WDR97: variants seen among roughly 807,000 people sequenced by gnomAD.
The protein encoded by WDR97 is WD repeat-containing protein 97.
WDR97 carries 111 observed loss-of-function variants against 65.4 expected under a neutral mutation model. That is an observed-to-expected ratio of 1.70 (90% CI 1.45 to 1.99). The LOEUF (loss-of-function observed/expected upper bound fraction) is 1.99, where lower values mean the gene tolerates loss of function less well. WDR97 is among the 30% of genes most tolerant of loss of function. WDR97 has a pLI of 0.00. For synonymous variants in WDR97, 802 were observed against 397.7 expected, an observed-to-expected ratio of 2.02 and a Z score of -12.10; for missense variants, 1,674 against 865.0, an observed-to-expected ratio of 1.94 and a Z score of -11.73.
Position 144,114,859 on chromosome 8 carries a change from G to A in WDR97, c.4025G>A (p.Gly1342Asp), listed in dbSNP as rs1351120611. The stretch of plus-strand genomic sequence containing the variant: ...GGCCCAGACCTGGACTCCAAGGCCG[G>A]CCTGCGCACTTGCTGCCACCAGAAA... ...VQGPDLDSKAGLRTCCHQKLE... is the reference protein window; with the variant it reads ...VQGPDLDSKADLRTCCHQKLE... The change falls in exon 21 of 24, where the codon GGC becomes GAC. Residue 1342 changes from glycine (G) to aspartate (D), a missense_variant. Transcript: ENST00000323662. The A allele has an allele frequency of 1.4e-6, 1 of 702,422 alleles. No homozygotes were observed. The highest frequency in any genetic ancestry group is 1.5e-5 in the South Asian group (1 of 67,568). The allele number at this position is 702,422 out of a possible 1,614,324, so 43.5% of individuals were successfully genotyped here. A position where few individuals can be genotyped will look rare whatever the true frequency, so the allele number is the denominator to read the frequency against.
Position 144,107,756 on chromosome 8 carries a change from G to A in WDR97, c.6G>A (p.Glu2=). The A allele has an allele frequency of 1.4e-6, 1 of 702,826 alleles. No individual in the cohort carries two copies. The highest frequency in any genetic ancestry group is 2.6e-6 in the Non-Finnish European group (1 of 384,976). The allele number at this position is 702,826 out of a possible 1,614,324, so 43.5% of individuals were successfully genotyped here. A position where few individuals can be genotyped will look rare whatever the true frequency, so the allele number is the denominator to read the frequency against. Residue 2 remains glutamate (E), a synonymous_variant, in exon 1 of 24, where the codon GAG becomes GAA. Transcript: ENST00000323662. M[E]AEVWEAEGYN... The stretch of plus-strand genomic sequence containing the variant: ...CTGGGACCGCAGTTGCTGAAATGGA[G>A]GCAGAGGTGTGGGAGGCAGAAGGCT...
chr8:144,115,573 T>C lies in WDR97; in HGVS notation c.4310T>C (p.Val1437Ala). ...GGGACCCCTCAGCTCCGTCTCAGAG[T>C]GCTCTCCGAGACGCTGAAGAGCTTC... ...SWGTPQLRLR[V>A]LSETLKSFCL... The change falls in exon 22 of 24, where the codon GTG becomes GCG. Residue 1437 changes from valine to alanine, a missense_variant. Coordinates refer to ENST00000323662, the MANE Select transcript of WDR97 (RefSeq NM_001316309.2). 1.4e-6 allele frequency: 1 copy of C among 694,046 alleles called. No individual in the cohort carries two copies. The highest frequency in any genetic ancestry group is 2.6e-6 in the Non-Finnish European group (1 of 379,828). 43.0% of individuals were successfully genotyped at this position (694,046 alleles called of 1,614,324 possible).
rs1320694483 is a variant in WDR97 at position 144,116,221 on chromosome 8, C to T, written c.4797C>T (p.Pro1599=). ...LDWPMPPRPL[P]PRLLQPALQR... is the part of the protein sequence containing the mutation. ...GGCCTATGCCCCCGCGCCCGCTGCC[C>T]CCGCGGCTCCTGCAGCCGGCCCTGC... The change falls in exon 24 of 24, where the codon CCC becomes CCT. Residue 1599 remains proline (P), a synonymous_variant. Coordinates refer to ENST00000323662, the MANE Select transcript of WDR97 (RefSeq NM_001316309.2). 5.8e-6 allele frequency: 4 copies of T among 684,128 alleles called. No individual in the cohort carries two copies. The highest frequency in any genetic ancestry group is 1.8e-5 in the African/African-American group (1 of 56,296). The allele number at this position is 684,128 out of a possible 1,614,324, so 42.4% of individuals were successfully genotyped here.
intron 2 of WDR97, 40 bp from the exon 3 acceptor site, chr8:144,108,276 C>G: frequency 1.4e-6 from 1 of 692,440 alleles, no homozygotes. Flanking sequence ...CCGGAGTAGC[C>G]CCAACCTTTG....
intron 1 of WDR97, 94 bp downstream of exon 1, chr8:144,107,956 G>A (rs991667406): frequency 4.3e-6 from 3 of 701,392 alleles, no homozygotes; most frequent in Non-Finnish European, 7.8e-6. Context: ...ACTCCCCTGG[G>A]CAGTCCCTGG....
chr8:144,113,339 C>A (rs1836584918), intron 15 of WDR97, 101 bp from the exon 16 acceptor site: 3 of 686,452 alleles, frequency 4.4e-6, no homozygotes, highest in Non-Finnish European at 7.9e-6. Flanking sequence ...CAGAGCTGGA[C>A]TGGCGGCTGA....
chr8:144,113,613 C>T, intron 16 of WDR97, 44 bp from the exon 17 acceptor site: 2 of 657,012 alleles, frequency 3.0e-6, no homozygotes, highest in East Asian at 2.7e-5. Context: ...GAGGGCTCTG[C>T]TGTCCTTGCA....
Position 144,110,758 on chromosome 8 carries a change from AG to A in WDR97, c.2171+22del, listed in dbSNP as rs1836530593. Reference sequence around the variant, plus strand: ...TCCTGCGGTAGGCTAGGAGGTGGGGAGGGCTGGGGTCTCCTACCTCTGCTCC... The same window carrying A: ...TCCTGCGGTAGGCTAGGAGGTGGGGAGGCTGGGGTCTCCTACCTCTGCTCC... On this transcript the variant is annotated intron_variant, in intron 8 of 23. Coordinates refer to ENST00000323662, the MANE Select transcript of WDR97 (RefSeq NM_001316309.2). The A allele has an allele frequency of 1.4e-6, 1 of 702,640 alleles. No homozygotes were observed. Among genetic ancestry groups the A allele is most frequent in the African/African-American group, 1.7e-5 (1 of 57,370 alleles). 43.5% of individuals were successfully genotyped at this position (702,640 alleles called of 1,614,324 possible).
In WDR97 at chr8:144,110,739, G is replaced by C; in HGVS notation, c.2171G>C (p.Arg724Pro). The stretch of plus-strand genomic sequence containing the variant: ...TGGACTGCTGAGAACCGCCTCCTGC[G>C]GTAGGCTAGGAGGTGGGGAGGGCTG... The part of the protein sequence containing the change: ...RIWTAENRLL[R>P]LLQLNGAPQA... Residue 724 changes from arginine to proline, a missense_variant and splice_region_variant, in exon 8 of 24, where the codon CGG becomes CCG. Coordinates refer to ENST00000323662, the MANE Select transcript of WDR97 (RefSeq NM_001316309.2). 1 of 702,806 alleles carries C rather than the reference G, an allele frequency of 1.4e-6. No homozygotes were observed. Among genetic ancestry groups the C allele is most frequent in the Non-Finnish European group, 2.6e-6 (1 of 384,936 alleles). The allele number at this position is 702,806 out of a possible 1,614,324, so 43.5% of individuals were successfully genotyped here.
Position 144,116,086 on chromosome 8 carries a change from C to T in WDR97, c.4667-5C>T. 2 of 693,488 alleles carry T rather than the reference C, an allele frequency of 2.9e-6. No homozygotes were observed. The highest frequency in any genetic ancestry group is 3.0e-5 in the South Asian group (2 of 67,000). 43.0% of individuals were successfully genotyped at this position (693,488 alleles called of 1,614,324 possible). On this transcript the variant is annotated splice_polypyrimidine_tract_variant and splice_region_variant and intron_variant, in intron 23 of 23. Coordinates refer to ENST00000323662, the MANE Select transcript of WDR97 (RefSeq NM_001316309.2). ...CGGGCCTCATAAGCCTCCGCCCGCC[C>T]CCAGGCCCCATGCGGTCCCGGCTCT...
rs951567074 is a variant in WDR97 at position 144,115,646 on chromosome 8, G to T, written c.4383G>T (p.Leu1461=). 2.9e-6 allele frequency: 2 copies of T among 692,412 alleles called. No individual in the cohort carries two copies. Among genetic ancestry groups the T allele is most frequent in the African/African-American group, 1.8e-5 (1 of 56,946 alleles). 42.9% of individuals were successfully genotyped at this position (692,412 alleles called of 1,614,324 possible). A position where few individuals can be genotyped will look rare whatever the true frequency, so the allele number is the denominator to read the frequency against. The part of the protein sequence containing the change: ...ARLHPAGPAQ[L]PGEPPPLEET... ...TGCACCCTGCCGGGCCTGCTCAGCT[G>T]CCCGGAGAGCCGCCGCCGCTGGAGG... The change falls in exon 22 of 24, where the codon CTG becomes CTT. Residue 1461 remains leucine (L), a synonymous_variant. Coordinates refer to ENST00000323662, the MANE Select transcript of WDR97 (RefSeq NM_001316309.2).
rs1836665023 is a variant in WDR97, at chr8:144,116,255, T to C, written c.4831T>C (p.Phe1611Leu). The C allele has an allele frequency of 3.0e-6, 2 of 668,060 alleles. No homozygotes were observed. The highest frequency in any genetic ancestry group is 5.5e-6 in the Non-Finnish European group (2 of 366,608). 41.4% of individuals were successfully genotyped at this position (668,060 alleles called of 1,614,324 possible). A position where few individuals can be genotyped will look rare whatever the true frequency, so the allele number is the denominator to read the frequency against. The change falls in exon 24 of 24, where the codon TTT becomes CTT. Residue 1611 changes from phenylalanine to leucine, a missense_variant. Phe to Leu is a conservative substitution (Grantham distance 22, BLOSUM62 0). Coordinates refer to ENST00000323662, the MANE Select transcript of WDR97 (RefSeq NM_001316309.2). ...RLLQPALQRY[F>L]LPADADPDTY... The stretch of plus-strand genomic sequence containing the variant: ...CCTGCAGCCGGCCCTGCAGCGCTAC[T>C]TTCTGCCAGCGGACGCGGACCCTGA...
At position 144,108,592 on chromosome 8, in the gene WDR97, A is replaced by G. The variant is rs1193561818; in HGVS notation, c.526A>G (p.Ile176Val). 1.4e-6 allele frequency: 1 copy of G among 700,644 alleles called. No homozygotes were observed. Among genetic ancestry groups the G allele is most frequent in the Admixed American group, 2.0e-5 (1 of 49,966 alleles). The allele number at this position is 700,644 out of a possible 1,614,324, so 43.4% of individuals were successfully genotyped here. A position where few individuals can be genotyped will look rare whatever the true frequency, so the allele number is the denominator to read the frequency against. ...FVGWGPAGLA[I>V]LRPNLSLLWL... is the part of the protein sequence containing the mutation. The stretch of plus-strand genomic sequence containing the variant: ...AGGCTGGGGCCCCGCGGGGCTGGCA[A>G]TTCTGAGGCCCAACCTCAGCCTGCT... The change falls in exon 3 of 24, where the codon ATT becomes GTT. Residue 176 changes from isoleucine to valine, a missense_variant. Transcript: ENST00000323662.
chr8:144,115,048 G>T, intron 21 of WDR97, 137 bp downstream of exon 21: 1 of 603,266 alleles, frequency 1.7e-6, no homozygotes, highest in Non-Finnish European at 2.9e-6. Flanking sequence ...CAGCCTCCCT[G>T]CCCTGAGCAT....
chr8:144,114,498 A>G (rs1587628758), intron 19 of WDR97, 23 bp downstream of exon 19: 1 of 689,468 alleles, frequency 1.5e-6, no homozygotes, highest in East Asian at 2.7e-5. Flanking sequence ...TCCTGCCCCC[A>G]GTTTTCCTCC....
rs1564323642 is a variant in WDR97 at position 144,115,334 on chromosome 8, T to A, written c.4078-7T>A. ...CTAAGACCTTAGCACTTTCCTCTCC[T>A]CCCAAGGAGACCCCATCGCAGACGT... is the stretch of plus-strand genomic sequence containing the variant. On this transcript the variant is annotated splice_polypyrimidine_tract_variant and splice_region_variant and intron_variant, in intron 21 of 23. Transcript: ENST00000323662. 1.7e-6 allele frequency: 1 copy of A among 595,868 alleles called. No individual in the cohort carries two copies. The highest frequency in any genetic ancestry group is 3.0e-6 in the Non-Finnish European group (1 of 332,506). The allele number at this position is 595,868 out of a possible 1,614,324, so 36.9% of individuals were successfully genotyped here.
rs1163779423 is a variant in WDR97 at position 144,108,328 on chromosome 8, G to A, written c.262G>A (p.Glu88Lys). ...HEVVEKEKRA[E>K]LRAARLTHGL... is the part of the protein sequence containing the mutation. ...CCCCGGCCCACAGGAGAAGAGAGCC[G>A]AGCTGCGCGCGGCGCGCCTGACGCA... Residue 88 changes from glutamate (E) to lysine (K), a missense_variant, in exon 3 of 24, where the codon GAG (glutamate) becomes AAG (lysine). Transcript: ENST00000323662. The A allele has an allele frequency of 7.2e-6, 5 of 692,612 alleles. No individual in the cohort carries two copies. The highest frequency in any genetic ancestry group is 3.0e-5 in the South Asian group (2 of 66,394). The allele number at this position is 692,612 out of a possible 1,614,324, so 42.9% of individuals were successfully genotyped here. A position where few individuals can be genotyped will look rare whatever the true frequency, so the allele number is the denominator to read the frequency against.
At position 144,109,459 on chromosome 8, in the gene WDR97, C is replaced by T. The variant is rs1836493524; in HGVS notation, c.1125C>T (p.Phe375=). 1 of 700,818 alleles carries T rather than the reference C, an allele frequency of 1.4e-6. No homozygotes were observed. The allele number at this position is 700,818 out of a possible 1,614,324, so 43.4% of individuals were successfully genotyped here. ...AAQVGEVALG[F]WGQDKLSRRV... Reference sequence around the variant, plus strand: ...AGGTGGGCGAGGTAGCGCTGGGCTTCTGGGGCCAGGACAAGCTGTCCCGGC... The same window carrying T: ...AGGTGGGCGAGGTAGCGCTGGGCTTTTGGGGCCAGGACAAGCTGTCCCGGC... Residue 375 remains phenylalanine, a synonymous_variant, in exon 5 of 24, where the codon TTC becomes TTT. Transcript: ENST00000323662.
rs1160826147 is a variant in WDR97 at position 144,116,347 on chromosome 8, C to T, written c.*54C>T. 2 of 578,660 alleles carry T rather than the reference C, an allele frequency of 3.5e-6. No homozygotes were observed. Among genetic ancestry groups the T allele is most frequent in the Admixed American group, 3.1e-5 (1 of 32,368 alleles). 35.8% of individuals were successfully genotyped at this position (578,660 alleles called of 1,614,324 possible). A position where few individuals can be genotyped will look rare whatever the true frequency, so the allele number is the denominator to read the frequency against. On this transcript the variant is annotated 3_prime_UTR_variant, in exon 24 of 24. Transcript: ENST00000323662. ...TCTGGGGCCTGTCATTGGTATTTGG[C>T]CAAGGCCTGCATCGGGAATAAAGTC...
Sources: allele counts gnomAD v4.1 joint callset, GRCh38; gene constraint gnomAD v4.1.1; transcripts MANE v1.5; gene names NCBI Gene and HGNC (gene_info 2026-07-23, HGNC 2026-07-21).